DHTKD1: variants seen among roughly 807,000 people sequenced by gnomAD.
The protein encoded by DHTKD1 is 2-oxoadipate dehydrogenase complex component E1.
In DHTKD1, 78 loss-of-function variants were observed where a neutral mutation model predicts 101.8. The ratio of observed to expected loss-of-function variants is 0.77; its 90% CI spans 0.64 to 0.93. DHTKD1 has a LOEUF of 0.93. Among genes scored for constraint, DHTKD1 ranks in the 40% least tolerant of loss-of-function variants. The probability of loss-of-function intolerance (pLI) is 0.00; values close to 1 mark genes in which losing one functional copy is unlikely to be tolerated. For synonymous variants in DHTKD1, 462 were observed against 450.3 expected (o/e 1.03, Z -0.33); for missense variants, 1,223 against 1,161.7 (o/e 1.05, Z -0.77).
intron 1 of DHTKD1, among the ~76,000 whole-genome samples, chr10:12,073,640 C>T (rs1319582576): frequency 1.3e-5 from 2 of 152,192 alleles, no homozygotes; most frequent in African/African-American, 2.4e-5. Flanking sequence ...GCTTTTTTCT[C>T]ATAAGCTATC....
chr10:12,069,683 G>A (rs1320910498), intron 1 of DHTKD1, among the ~76,000 whole-genome samples: 1 of 33,368 alleles, frequency 3.0e-5, no homozygotes, highest in Non-Finnish European at 9.3e-5. Flanking sequence ...ACCACGCCCA[G>A]CTTTTTTTTT....
Position 12,100,091 on chromosome 10 carries a change from TG to T in DHTKD1, c.1672-85del, listed in dbSNP as rs1833135574. ...GATTACAGGCATGAGCCACCATGCC[TG>T]GCCTGCATTAAATTTTTTGTACTCA... On this transcript the variant is annotated intron_variant, in intron 8 of 16. Transcript: ENST00000263035. 13 of 727,890 alleles carry T rather than the reference TG, an allele frequency of 1.8e-5. No individual in the cohort carries two copies. The South Asian group carries it at 2.4e-4, about 13-fold the overall frequency. 45.1% of individuals were successfully genotyped at this position (727,890 alleles called of 1,614,324 possible).
intron 3 of DHTKD1, among the ~76,000 whole-genome samples, chr10:12,085,207 G>T (rs1832879488): frequency 6.6e-6 from 1 of 152,084 alleles, no homozygotes; most frequent in Non-Finnish European, 1.5e-5. Context: ...CTAATCAGGA[G>T]GCTGAGGCAT....
chr10:12,118,651 A>C, intron 14 of DHTKD1, 98 bp from the exon 15 acceptor site: 1 of 978,256 alleles, frequency 1.0e-6, no homozygotes, highest in Non-Finnish European at 1.4e-6. Flanking sequence ...CAAAGTGCTG[A>C]GATTACAGGC....
chr10:12,118,996 G>T lies in DHTKD1; in HGVS notation c.2572+78G>T, dbSNP rs934191875. ...TCAGCTCTTTTAAATGAAAAGATGTGGTGGGGGTTATTAGAAAATTGAATC... is the reference window on the plus strand; with the variant it reads ...TCAGCTCTTTTAAATGAAAAGATGTTGTGGGGGTTATTAGAAAATTGAATC... On this transcript the variant is annotated intron_variant, in intron 15 of 16. Transcript: ENST00000263035. 3.7e-6 allele frequency: 5 copies of T among 1,354,070 alleles called. No homozygotes were observed. In the African/African-American group the frequency reaches 6.0e-5, roughly 16 times the overall value. 83.9% of individuals were successfully genotyped at this position (1,354,070 alleles called of 1,614,324 possible). A position where few individuals can be genotyped will look rare whatever the true frequency, so the allele number is the denominator to read the frequency against.
At chr10:12,106,735 G>A (rs147012196) in intron 11 of DHTKD1, among the ~76,000 whole-genome samples, 14 of 152,260 alleles carry the variant, frequency 9.2e-5, no homozygotes, top group Admixed American at 5.9e-4. Context: ...TGAAGTAAAC[G>A]TCTAAGTCTT....
At position 12,087,801 on chromosome 10, in the gene DHTKD1, T is replaced by C; in HGVS notation, c.717+72T>C. The C allele has an allele frequency of 7.5e-7, 1 of 1,329,766 alleles. No individual in the cohort carries two copies. The highest frequency in any genetic ancestry group is 1.0e-6 in the Non-Finnish European group (1 of 990,224). The allele number at this position is 1,329,766 out of a possible 1,614,324, so 82.4% of individuals were successfully genotyped here. On this transcript the variant is annotated intron_variant, in intron 4 of 16. Coordinates refer to ENST00000263035, the MANE Select transcript of DHTKD1 (RefSeq NM_018706.7). This position sits in a 1 kb window ranked among gnomAD's most constrained non-coding sequence, Gnocchi z 5.2. ...TAACAGAATAAAACTGCTGGTTTCA[T>C]TCTGGTGATAAATGATGGTGATGGT...
In DHTKD1 at chr10:12,091,512, G is replaced by A; in HGVS notation, c.988-1G>A. On this transcript the variant is annotated splice_acceptor_variant, in intron 5 of 16. Coordinates refer to ENST00000263035, the MANE Select transcript of DHTKD1 (RefSeq NM_018706.7). LOFTEE classifies it high-confidence loss of function. ...CCCGCTCCCCTTGCCTCATGATTTA[G>A]GTCCATGGTGATGCTTCTTTCTGTG... The A allele has an allele frequency of 6.3e-7, 1 of 1,589,256 alleles. No homozygotes were observed. Among genetic ancestry groups the A allele is most frequent in the Non-Finnish European group, 8.6e-7 (1 of 1,166,438 alleles).
chr10:12,075,235 A>C (rs1328240180), intron 1 of DHTKD1, among the ~76,000 whole-genome samples: 1 of 152,092 alleles, frequency 6.6e-6, no homozygotes. Context: ...GCTGGAGTGC[A>C]GTGACACAAT....
At position 12,101,047 on chromosome 10, in the gene DHTKD1, A is replaced by G; in HGVS notation, c.1762A>G (p.Asn588Asp). 1.2e-6 allele frequency: 2 copies of G among 1,613,550 alleles called. No individual in the cohort carries two copies. Among genetic ancestry groups the G allele is most frequent in the Non-Finnish European group, 1.7e-6 (2 of 1,179,862 alleles). The change falls in exon 10 of 17, where the codon AAT (asparagine) becomes GAT (aspartate). Residue 588 changes from asparagine to aspartate, a missense_variant. Physicochemically the swap from Asn to Asp is conservative, Grantham distance 23. Coordinates refer to ENST00000263035, the MANE Select transcript of DHTKD1 (RefSeq NM_018706.7). ...TTTTTTCTTGCTTGCTTAAGGTTTTAATGTTCGTCTAAGTGGCCAAGATGT... is the reference window on the plus strand; with the variant it reads ...TTTTTTCTTGCTTGCTTAAGGTTTTGATGTTCGTCTAAGTGGCCAAGATGT... ...ALGSLLAQGFNVRLSGQDVGR... is the reference protein window; with the variant it reads ...ALGSLLAQGFDVRLSGQDVGR...
intron 1 of DHTKD1, among the ~76,000 whole-genome samples, chr10:12,074,346 A>G (rs1186393884): frequency 6.6e-6 from 1 of 151,732 alleles, no homozygotes; most frequent in Non-Finnish European, 1.5e-5. Flanking sequence ...ACATCCAGCT[A>G]ATTTTTGTAT....
intron 1 of DHTKD1, among the ~76,000 whole-genome samples, chr10:12,071,738 G>A (rs1331226091): frequency 1.3e-5 from 2 of 152,258 alleles, no homozygotes. Flanking sequence ...ATGTTGCCCA[G>A]GCTGGTCTCG....
chr10:12,069,524 T>C (rs1311927740), intron 1 of DHTKD1, among the ~76,000 whole-genome samples: 3 of 124,376 alleles, frequency 2.4e-5, no homozygotes, highest in Non-Finnish European at 5.2e-5. Flanking sequence ...TTTCCTTTTT[T>C]TTTTTTTTTT....
intron 13 of DHTKD1, among the ~76,000 whole-genome samples, chr10:12,114,241 A>T (rs1833379636): frequency 6.6e-6 from 1 of 152,170 alleles, no homozygotes; most frequent in African/African-American, 2.4e-5. Flanking sequence ...GCATATATTT[A>T]TCCCATCTGC....
chr10:12,088,720 A>G (rs1235990133), intron 4 of DHTKD1, among the ~76,000 whole-genome samples: 1 of 151,854 alleles, frequency 6.6e-6, no homozygotes, highest in African/African-American at 2.4e-5. Context: ...ACTAGCTGGG[A>G]TTACAGGTAC....
chr10:12,085,939 TTTTA>T (rs1157885957), intron 3 of DHTKD1, among the ~76,000 whole-genome samples: 2 of 151,982 alleles, frequency 1.3e-5, no homozygotes, highest in East Asian at 3.9e-4. Context: ...GTTCTTAAGG[TTTTA>T]TTTATTTATT....
chr10:12,119,546 G>A (rs1404408949), intron 15 of DHTKD1, among the ~76,000 whole-genome samples: 1 of 148,374 alleles, frequency 6.7e-6, no homozygotes, highest in Non-Finnish European at 1.5e-5. Flanking sequence ...AACCCGGGAG[G>A]CGGAGCTTGC....
intron 1 of DHTKD1, among the ~76,000 whole-genome samples, chr10:12,070,979 C>T (rs1268276713): frequency 6.6e-6 from 1 of 152,130 alleles, no homozygotes; most frequent in Non-Finnish European, 1.5e-5. Context: ...GGACAAAAAC[C>T]AAATGTTTTG....
At position 12,109,093 on chromosome 10, in the gene DHTKD1, A is replaced by G. The variant is rs373458752; in HGVS notation, c.2154+1078A>G. 1.8e-4 allele frequency among the ~76,000 whole-genome samples: 27 copies of G among 152,234 alleles called. 1 individual carries two copies. The highest frequency in any genetic ancestry group is 1.7e-3 in the East Asian group (9 of 5,176). On this transcript the variant is annotated intron_variant, in intron 12 of 16. Transcript: ENST00000263035. ...CTTGAACCCAGGAGGCAGAGGTTGC[A>G]GTGAGATCACGCCACTGCACTCCAG... is the stretch of plus-strand genomic sequence containing the variant.
Sources: allele counts gnomAD v4.1 joint callset (sites outside exome capture counted in the v4.1 genomes callset), GRCh38; gene constraint gnomAD v4.1.1; non-coding constraint Gnocchi (gnomAD v3.1); transcripts MANE v1.5; gene names NCBI Gene and HGNC (gene_info 2026-07-23, HGNC 2026-07-21).